The following WWOX variants were observed in gnomAD, a reference collection of about 807,000 sequenced individuals.
The protein encoded by WWOX is WW domain-containing oxidoreductase.
WWOX carries 69 observed loss-of-function variants against 46.2 expected under a neutral mutation model. The observed-to-expected ratio is 1.49, with a 90% CI of 1.23 to 1.82. The LOEUF (loss-of-function observed/expected upper bound fraction) is 1.82. WWOX is among the 40% of genes most tolerant of loss of function. WWOX has a pLI of 0.00. For synonymous variants in WWOX, 359 were observed against 202.6 expected (o/e 1.77, Z -6.56); for missense variants, 919 against 542.6 (o/e 1.69, Z -6.89).
intron 8 of WWOX, among the ~76,000 whole-genome samples, chr16:79,051,021 C>T (rs893962225): frequency 1.3e-5 from 2 of 152,224 alleles, no homozygotes; most frequent in African/African-American, 2.4e-5. Context: ...GGCTCTTCGC[C>T]CATTAACGCT....
chr16:78,230,643 A>G (rs1347665729), intron 5 of WWOX, among the ~76,000 whole-genome samples: 2 of 152,192 alleles, frequency 1.3e-5, no homozygotes, highest in African/African-American at 4.8e-5. Flanking sequence ...GTAATTCGCA[A>G]AGGTTTTCAA....
intron 8 of WWOX, among the ~76,000 whole-genome samples, chr16:78,680,007 G>T (rs62036104): frequency 1.3e-5 from 2 of 152,286 alleles, no homozygotes; most frequent in Admixed American, 1.3e-4. Flanking sequence ...GACTCCATGC[G>T]CTCCTATCGG....
At chr16:78,333,093 A>G (rs1244575315) in intron 5 of WWOX, among the ~76,000 whole-genome samples, 1 of 114,830 alleles carries the variant, frequency 8.7e-6, no homozygotes, top group African/African-American at 3.3e-5. Context: ...TCTGTCACCC[A>G]GGCCTGGAGT....
intron 8 of WWOX, among the ~76,000 whole-genome samples, chr16:78,614,074 CAT>C (rs1250109667): frequency 6.6e-6 from 1 of 152,204 alleles, no homozygotes; most frequent in Non-Finnish European, 1.5e-5. Flanking sequence ...CTGAACCTTG[CAT>C]GTTGTGTCAC....
intron 8 of WWOX, among the ~76,000 whole-genome samples, chr16:78,903,547 T>A (rs2044882087): frequency 6.6e-6 from 1 of 152,184 alleles, no homozygotes; most frequent in Non-Finnish European, 1.5e-5. Context: ...GGTAAGGGGT[T>A]GCAAAAGAGT....
intron 8 of WWOX, among the ~76,000 whole-genome samples, chr16:78,966,086 C>G (rs986515385): frequency 6.6e-6 from 1 of 152,148 alleles, no homozygotes; most frequent in Non-Finnish European, 1.5e-5. Context: ...GGATTCCAAG[C>G]TTTTTTGCGT....
At chr16:78,739,661 A>G (rs569151165) in intron 8 of WWOX, among the ~76,000 whole-genome samples, 1 of 152,154 alleles carries the variant, frequency 6.6e-6, no homozygotes, top group African/African-American at 2.4e-5. Context: ...AAACACAAAA[A>G]TTAGCTTGGC....
At chr16:78,479,481 C>A (rs2084435876) in intron 8 of WWOX, among the ~76,000 whole-genome samples, 1 of 152,072 alleles carries the variant, frequency 6.6e-6, no homozygotes. Flanking sequence ...ACTTTAGATG[C>A]AAATATGGTA....
intron 4 of WWOX, chr16:78,124,212 G>T (rs1341462698): frequency 1.3e-5 from 2 of 151,874 alleles, no homozygotes; most frequent in Admixed American, 6.6e-5. Flanking sequence ...GAAAATGCAA[G>T]AGCCTGAAAA....
At chr16:78,988,474 G>T (rs1356629639) in intron 8 of WWOX, among the ~76,000 whole-genome samples, 1 of 152,146 alleles carries the variant, frequency 6.6e-6, no homozygotes, top group Non-Finnish European at 1.5e-5. Flanking sequence ...CCAGGATGGA[G>T]AAGACTCCTT....
chr16:78,353,613 G>C (rs1236186585), intron 5 of WWOX, among the ~76,000 whole-genome samples: 1 of 152,142 alleles, frequency 6.6e-6, no homozygotes, highest in Non-Finnish European at 1.5e-5. Context: ...CAAAGACTTG[G>C]GGATAATTAG....
At chr16:78,150,684 T>C (rs1005667298) in intron 4 of WWOX, among the ~76,000 whole-genome samples, 9 of 152,030 alleles carry the variant, frequency 5.9e-5, no homozygotes, top group African/African-American at 2.2e-4. Context: ...TGCCTCTCCA[T>C]TTAGGATTCT....
chr16:78,575,072 T>TATAAATAA (rs2044840433), intron 8 of WWOX, among the ~76,000 whole-genome samples: 1 of 29,524 alleles, frequency 3.4e-5, no homozygotes, highest in African/African-American at 1.1e-4. Flanking sequence ...TATATATATA[T>TATAAATAA]ATATATATAT....
intron 8 of WWOX, among the ~76,000 whole-genome samples, chr16:79,063,133 C>T (rs184806586): frequency 2.0e-5 from 3 of 152,314 alleles, no homozygotes; most frequent in Admixed American, 6.5e-5. Flanking sequence ...GCTATTTCCC[C>T]ACTTCTGCTG....
intron 8 of WWOX, among the ~76,000 whole-genome samples, chr16:78,820,250 C>G (rs1294125084): frequency 6.6e-6 from 1 of 152,078 alleles, no homozygotes; most frequent in Non-Finnish European, 1.5e-5. Flanking sequence ...GTTTTGATGC[C>G]AAAGAGCCAA....
chr16:78,897,247 A>AAAAAAAC (rs2044722856), intron 8 of WWOX: 1 of 143,050 alleles, frequency 7.0e-6, no homozygotes, highest in Non-Finnish European at 1.5e-5. Flanking sequence ...CTTTAAAAAA[A>AAAAAAAC]AAAAAAAAAA....
chr16:79,048,442 T>G (rs1213152987), intron 8 of WWOX, among the ~76,000 whole-genome samples: 1 of 152,076 alleles, frequency 6.6e-6, no homozygotes, highest in African/African-American at 2.4e-5. Context: ...TAATTAGGGC[T>G]TCAGAGTTCA....
At chr16:78,428,797 C>G (rs988816940) in intron 7 of WWOX, among the ~76,000 whole-genome samples, 1 of 152,136 alleles carries the variant, frequency 6.6e-6, no homozygotes, top group Non-Finnish European at 1.5e-5. Flanking sequence ...CCCTTGAGCT[C>G]AGGAGTTGAG....
At chr16:79,097,824 G>C (rs532254640) in intron 8 of WWOX, among the ~76,000 whole-genome samples, 4 of 152,134 alleles carry the variant, frequency 2.6e-5, no homozygotes, top group Non-Finnish European at 5.9e-5. Context: ...TTTGCCCGTC[G>C]ATCGCAGTTC....
Sources: gnomAD v4.1 joint callset for allele counts (sites outside exome capture counted in the v4.1 genomes callset) on GRCh38, gnomAD v4.1.1 for gene constraint, MANE v1.5 for transcripts, NCBI Gene and HGNC (gene_info 2026-07-23, HGNC 2026-07-21) for gene names.